CDC42SE2: variants seen among roughly 807,000 people sequenced by gnomAD.
The protein encoded by CDC42SE2 is CDC42 small effector 2.
A neutral mutation model predicts 11.5 loss-of-function variants in CDC42SE2; 3 were observed. The ratio of observed to expected loss-of-function variants is 0.26; its 90% CI spans 0.12 to 0.67. The LOEUF (loss-of-function observed/expected upper bound fraction) is 0.67. CDC42SE2 is among the 30% of genes least tolerant of loss of function. CDC42SE2 has a pLI of 0.80. For missense variants in CDC42SE2, 82 were observed against 106.8 expected (o/e 0.77, Z 1.02); for synonymous variants, 33 against 34.8 (o/e 0.95, Z 0.18).
intron 1 of CDC42SE2, among the ~76,000 whole-genome samples, chr5:131,248,152 T>G (rs1756611432): frequency 6.6e-6 from 1 of 152,094 alleles, no homozygotes; most frequent in African/African-American, 2.4e-5. Flanking sequence ...TTTATTATTA[T>G]TTTTTGAGAT....
At chr5:131,255,999 A>T (rs1756676380) in intron 2 of CDC42SE2, among the ~76,000 whole-genome samples, 1 of 152,186 alleles carries the variant, frequency 6.6e-6, no homozygotes, top group Non-Finnish European at 1.5e-5. Context: ...CTGCAAAACA[A>T]ACCCATATCC....
the CDC42SE2 span, among the ~76,000 whole-genome samples, chr5:131,215,965 G>A: frequency 6.6e-6 from 1 of 152,336 alleles, no homozygotes; most frequent in East Asian, 1.9e-4. Context: ...GGAAGCTGAA[G>A]TAGAAAACTC....
intron 1 of CDC42SE2, among the ~76,000 whole-genome samples, chr5:131,305,047 G>A (rs1757753479): frequency 6.6e-6 from 1 of 152,004 alleles, no homozygotes; most frequent in Non-Finnish European, 1.5e-5. Context: ...ATTCCTAGGA[G>A]ATTAGCTGAT....
At chr5:131,380,881 C>A (rs1750301041) in intron 3 of CDC42SE2, among the ~76,000 whole-genome samples, 1 of 152,208 alleles carries the variant, frequency 6.6e-6, no homozygotes, top group South Asian at 2.1e-4. Context: ...ACTTCTTAGA[C>A]CCACCTCAGT....
chr5:131,265,213 A>G (rs1408216704), intron 1 of CDC42SE2, among the ~76,000 whole-genome samples: 1 of 152,180 alleles, frequency 6.6e-6, no homozygotes, highest in Non-Finnish European at 1.5e-5. Flanking sequence ...CATAGAAAAT[A>G]TATATCAAAT....
At chr5:131,259,214 T>G (rs1756703879), upstream of CDC42SE2, among the ~76,000 whole-genome samples, 1 of 152,224 alleles carries the variant, frequency 6.6e-6, no homozygotes, top group Non-Finnish European at 1.5e-5. Context: ...TTATGATGCT[T>G]GCCTGTACCT....
chr5:131,357,318 C>A (rs1202799384), intron 2 of CDC42SE2, among the ~76,000 whole-genome samples: 3 of 152,246 alleles, frequency 2.0e-5, no homozygotes, highest in South Asian at 4.1e-4. Context: ...AGGACTTGTC[C>A]TCTGGACTGT....
the CDC42SE2 span, among the ~76,000 whole-genome samples, chr5:131,231,549 G>A: frequency 6.6e-6 from 1 of 152,036 alleles, no homozygotes; most frequent in African/African-American, 2.4e-5. Context: ...AATCTAACAC[G>A]ACCTTTCTCA....
intron 2 of CDC42SE2, among the ~76,000 whole-genome samples, chr5:131,328,010 G>GA (rs1283031505): frequency 6.6e-6 from 1 of 152,188 alleles, no homozygotes; most frequent in African/African-American, 2.4e-5. Flanking sequence ...TGCTGTGGCA[G>GA]AAGGCAGAAG....
At chr5:131,232,194 G>C in the CDC42SE2 span, among the ~76,000 whole-genome samples, 4 of 152,030 alleles carry the variant, frequency 2.6e-5, no homozygotes, top group East Asian at 7.8e-4. Flanking sequence ...GCTTACTGCA[G>C]CCTTGACTTC....
At chr5:131,353,001 C>G (rs1051282351) in intron 2 of CDC42SE2, among the ~76,000 whole-genome samples, 2 of 152,068 alleles carry the variant, frequency 1.3e-5, no homozygotes, top group Admixed American at 6.6e-5. Flanking sequence ...GGGTCTCACT[C>G]TGGTGCCCAG....
At chr5:131,327,932 A>G (rs1209902028) in intron 2 of CDC42SE2, among the ~76,000 whole-genome samples, 1 of 152,198 alleles carries the variant, frequency 6.6e-6, no homozygotes, top group Non-Finnish European at 1.5e-5. Context: ...GTAATTTATA[A>G]TGAACCAGAA....
chr5:131,321,038 C>G (rs1248214857), intron 2 of CDC42SE2, among the ~76,000 whole-genome samples: 1 of 152,118 alleles, frequency 6.6e-6, no homozygotes, highest in Non-Finnish European at 1.5e-5. Context: ...TGTAGGTATT[C>G]TAATGCCTTA....
intron 3 of CDC42SE2, among the ~76,000 whole-genome samples, chr5:131,384,010 C>T (rs1263421797): frequency 6.6e-6 from 1 of 152,128 alleles, no homozygotes; most frequent in East Asian, 1.9e-4. Flanking sequence ...GCAAAATGAA[C>T]ACATGGAGCA....
chr5:131,359,021 C>T (rs1749633471), intron 2 of CDC42SE2, among the ~76,000 whole-genome samples, 188 bp from the exon 3 acceptor site: 1 of 152,158 alleles, frequency 6.6e-6, no homozygotes, highest in Non-Finnish European at 1.5e-5. Flanking sequence ...TCTGCTTTTA[C>T]TACTACACCT....
chr5:131,256,623 T>C (rs977552156), intron 2 of CDC42SE2, among the ~76,000 whole-genome samples: 9 of 152,166 alleles, frequency 5.9e-5, no homozygotes, highest in Admixed American at 1.3e-4. Flanking sequence ...GCTCTTTCTG[T>C]TGTTGGTAGA....
the CDC42SE2 span, among the ~76,000 whole-genome samples, chr5:131,233,529 A>G: frequency 6.6e-6 from 1 of 152,146 alleles, no homozygotes; most frequent in African/African-American, 2.4e-5. Context: ...CACCACACCC[A>G]GCTAATTTTT....
At chr5:131,243,960 C>T (rs1756559694), upstream of CDC42SE2, among the ~76,000 whole-genome samples, 1 of 152,184 alleles carries the variant, frequency 6.6e-6, no homozygotes, top group African/African-American at 2.4e-5. Context: ...AGTAAACTCT[C>T]ACTTTTTTCA....
intron 1 of CDC42SE2, among the ~76,000 whole-genome samples, chr5:131,247,610 C>T (rs184221315): frequency 2.0e-4 from 30 of 151,874 alleles, no homozygotes; most frequent in African/African-American, 5.1e-4. Context: ...CGCAGCAAGA[C>T]TCCGTCTCAG....
Sources: allele counts gnomAD v4.1 joint callset (sites outside exome capture counted in the v4.1 genomes callset), GRCh38; gene constraint gnomAD v4.1.1; transcripts MANE v1.5; gene names NCBI Gene and HGNC (gene_info 2026-07-23, HGNC 2026-07-21).